Variants in SLC25A48 observed in about 807,000 individuals in gnomAD.
The protein encoded by SLC25A48 is CTC-321K16.1.
In SLC25A48, 29 loss-of-function variants were observed where a neutral mutation model predicts 32.2. The ratio of observed to expected loss-of-function variants is 0.90; its 90% CI spans 0.67 to 1.23. The LOEUF is 1.23. SLC25A48 is among the 50% of genes most tolerant of loss of function. SLC25A48 has a pLI of 0.00. For synonymous variants in SLC25A48, 164 were observed against 172.3 expected, an observed-to-expected ratio of 0.95 and a Z score of 0.38; for missense variants, 399 against 422.7, an observed-to-expected ratio of 0.94 and a Z score of 0.49.
Position 135,659,284 on chromosome 5 carries a change from A to C in SLC25A48, c.-521+24328A>C, listed in dbSNP as rs115444953. ...CCATAAATCATCTCTCAAAGTTCAA[A>C]GTTTCACAGATCTCTAAAGCAGGGG... On this transcript the variant is annotated intron_variant, in intron 3 of 10. Transcript: ENST00000646290. Among the ~76,000 whole-genome samples, 345 of 152,296 alleles carry C rather than the reference A, an allele frequency of 2.3e-3. 1 individual carries two copies. Among genetic ancestry groups the C allele is most frequent in the African/African-American group, 7.4e-3 (308 of 41,564 alleles).
chr5:135,758,169 TATA>T (rs889557222), intron 3 of SLC25A48, among the ~76,000 whole-genome samples: 1 of 150,848 alleles, frequency 6.6e-6, no homozygotes, highest in Non-Finnish European at 1.5e-5. Flanking sequence ...ATACCATCTC[TATA>T]ATATTTGTAA....
At chr5:135,672,178 T>C (rs1753670954) in intron 3 of SLC25A48, among the ~76,000 whole-genome samples, 1 of 152,132 alleles carries the variant, frequency 6.6e-6, no homozygotes, top group Non-Finnish European at 1.5e-5. Flanking sequence ...CTCGGAAACT[T>C]GTATGTAACC....
At chr5:135,768,104 T>C (rs1276338890) in intron 3 of SLC25A48, among the ~76,000 whole-genome samples, 3 of 147,216 alleles carry the variant, frequency 2.0e-5, no homozygotes, top group Non-Finnish European at 3.0e-5. Flanking sequence ...TTGTTTTTAA[T>C]ATCCAAGTGG....
intron 3 of SLC25A48, among the ~76,000 whole-genome samples, chr5:135,734,845 AGAAG>A (rs1755320979): frequency 6.6e-6 from 1 of 151,236 alleles, no homozygotes; most frequent in South Asian, 2.1e-4. Flanking sequence ...AAGAAGAAGA[AGAAG>A]GGGACGGACT....
intron 1 of SLC25A48, among the ~76,000 whole-genome samples, chr5:135,581,357 A>G (rs1751230031): frequency 2.0e-5 from 3 of 152,356 alleles, no homozygotes; most frequent in East Asian, 1.9e-4. Flanking sequence ...GTTTTAATAC[A>G]TTGGATCAGC....
chr5:135,776,224 T>C (rs10463934), intron 3 of SLC25A48, among the ~76,000 whole-genome samples: 43,829 of 147,280 alleles, frequency 0.3, 6,657 homozygotes, highest in East Asian at 0.45. Flanking sequence ...TGTCAATATC[T>C]CAAAGGGTGT....
chr5:135,750,694 C>T (rs1411219222), intron 3 of SLC25A48, among the ~76,000 whole-genome samples: 1 of 152,068 alleles, frequency 6.6e-6, no homozygotes, highest in Non-Finnish European at 1.5e-5. Context: ...AGCAGCTGCG[C>T]CCCCAGGTGG....
intron 3 of SLC25A48, among the ~76,000 whole-genome samples, chr5:135,642,184 A>T (rs900060164): frequency 2.0e-5 from 3 of 152,224 alleles, no homozygotes; most frequent in Admixed American, 2.0e-4. Context: ...GGTGGCTGTC[A>T]TAGTGGTGTT....
chr5:135,679,466 T>C (rs1046412600), intron 3 of SLC25A48, among the ~76,000 whole-genome samples: 2 of 152,152 alleles, frequency 1.3e-5, no homozygotes, highest in African/African-American at 2.4e-5. Flanking sequence ...GCCCTGCTAC[T>C]GGGGAGAGCA....
rs925298268 is a variant in SLC25A48, at chr5:135,879,960, G to A, written c.814-8G>A. On this transcript the variant is annotated splice_region_variant and splice_polypyrimidine_tract_variant and intron_variant, in intron 6 of 7. Coordinates refer to ENST00000681962, the MANE Select transcript of SLC25A48 (RefSeq NM_001349336.2). ...AGTCCCCTGCAATAACCTGGCCCCT[G>A]TGCAAAGGTGTTTTTCAGAGGCATC... 4 of 1,536,270 alleles carry A rather than the reference G, an allele frequency of 2.6e-6. No individual in the cohort carries two copies. Among genetic ancestry groups the A allele is most frequent in the African/African-American group, 2.7e-5 (2 of 73,140 alleles).
chr5:135,672,667 GT>G (rs751258242), intron 3 of SLC25A48, among the ~76,000 whole-genome samples: 6 of 152,124 alleles, frequency 3.9e-5, no homozygotes, highest in Non-Finnish European at 5.9e-5. Flanking sequence ...AACATCCCCT[GT>G]TTTTTTCGTA....
At chr5:135,617,747 T>C (rs561975914) in intron 1 of SLC25A48, among the ~76,000 whole-genome samples, 2 of 152,138 alleles carry the variant, frequency 1.3e-5, no homozygotes, top group African/African-American at 2.4e-5. Context: ...TTAATTTTAA[T>C]GTATTTGTAC....
intron 3 of SLC25A48, among the ~76,000 whole-genome samples, chr5:135,680,003 G>T (rs1753858320): frequency 6.6e-6 from 1 of 152,132 alleles, no homozygotes; most frequent in South Asian, 2.1e-4. Flanking sequence ...GGACCTCTGG[G>T]AGCCACTCAC....
At chr5:135,829,251 A>C (rs565080950) in intron 4 of SLC25A48, among the ~76,000 whole-genome samples, 2 of 152,164 alleles carry the variant, frequency 1.3e-5, no homozygotes, top group African/African-American at 4.8e-5. Context: ...TTCAGATGGG[A>C]CCTTGACAGC....
rs368049256 is a variant in SLC25A48 at position 135,618,543 on chromosome 5, T to G, written c.-848-10694T>G. Among the ~76,000 whole-genome samples the G allele has an allele frequency of 1.7e-4, 26 of 152,234 alleles. 1 individual carries two copies. The highest frequency in any genetic ancestry group is 6.0e-4 in the African/African-American group (25 of 41,566). ...TGTGGTTTGATGGTGTTCTGTAGTGTTTACATTTAAGTTTTTTCTTTTCTT... is the reference window on the plus strand; with the variant it reads ...TGTGGTTTGATGGTGTTCTGTAGTGGTTACATTTAAGTTTTTTCTTTTCTT... On this transcript the variant is annotated intron_variant, in intron 1 of 10. Coordinates refer to the SLC25A48 transcript ENST00000646290.
chr5:135,726,675 C>A (rs1755098147), intron 3 of SLC25A48, among the ~76,000 whole-genome samples: 1 of 152,218 alleles, frequency 6.6e-6, no homozygotes, highest in Non-Finnish European at 1.5e-5. Flanking sequence ...GAGTAGCACT[C>A]CATGGTGTGC....
At chr5:135,593,609 G>A (rs909378460) in intron 1 of SLC25A48, among the ~76,000 whole-genome samples, 8 of 152,212 alleles carry the variant, frequency 5.3e-5, no homozygotes, top group African/African-American at 1.4e-4. Flanking sequence ...GGAGGACAGC[G>A]CCTTCAGGTA....
chr5:135,614,725 G>A (rs926637520), intron 1 of SLC25A48, among the ~76,000 whole-genome samples: 2 of 151,956 alleles, frequency 1.3e-5, no homozygotes, highest in Non-Finnish European at 2.9e-5. Context: ...TGAATCCCTG[G>A]GATAAATCCC....
chr5:135,803,599 T>C (rs777315996), intron 3 of SLC25A48, among the ~76,000 whole-genome samples: 1 of 151,898 alleles, frequency 6.6e-6, no homozygotes, highest in Non-Finnish European at 1.5e-5. Flanking sequence ...ATATTACTCC[T>C]AATATTACAG....
Sources: gnomAD v4.1 joint callset for allele counts (sites outside exome capture counted in the v4.1 genomes callset) on GRCh38, gnomAD v4.1.1 for gene constraint, MANE v1.5 for transcripts, NCBI Gene and HGNC (gene_info 2026-07-23, HGNC 2026-07-21) for gene names.